Variants in AOPEP observed in about 807,000 individuals in gnomAD.
The protein encoded by AOPEP is aminopeptidase O.
In AOPEP, 77 loss-of-function variants were observed where a neutral mutation model predicts 98.1. The ratio of observed to expected loss-of-function variants is 0.78; its 90% CI spans 0.65 to 0.95. AOPEP has a LOEUF of 0.95. Ranked by LOEUF, AOPEP falls within the 40% of genes least tolerant of loss-of-function variation. The pLI is 0.00. For synonymous variants in AOPEP, 346 were observed against 365.3 expected, an observed-to-expected ratio of 0.95 and a Z score of 0.60; for missense variants, 1,024 against 1,024.7, an observed-to-expected ratio of 1.00 and a Z score of 0.01.
chr9:94,979,875 G>A (rs2060075737), intron 11 of AOPEP, among the ~76,000 whole-genome samples: 1 of 152,154 alleles, frequency 6.6e-6, no homozygotes. Context: ...CTGCCCCATG[G>A]TCCCTGTCCC....
At chr9:94,880,029 A>G (rs1393371454) in intron 5 of AOPEP, among the ~76,000 whole-genome samples, 1 of 152,220 alleles carries the variant, frequency 6.6e-6, no homozygotes, top group Non-Finnish European at 1.5e-5. Context: ...AATTAAATGC[A>G]TTGCACTGTT....
chr9:94,975,713 G>T (rs528779112), intron 10 of AOPEP, among the ~76,000 whole-genome samples: 1 of 152,358 alleles, frequency 6.6e-6, no homozygotes, highest in East Asian at 1.9e-4. Flanking sequence ...AAGTTCTGGT[G>T]TGGTCTCCCT....
the AOPEP span, among the ~76,000 whole-genome samples, chr9:95,134,577 C>T: frequency 6.6e-6 from 1 of 152,244 alleles, no homozygotes; most frequent in Non-Finnish European, 1.5e-5. Flanking sequence ...CACTGGAGCT[C>T]CTGGAAGACA....
chr9:94,749,032 T>C (rs1370483657), intron 1 of AOPEP, among the ~76,000 whole-genome samples: 1 of 152,250 alleles, frequency 6.6e-6, no homozygotes, highest in East Asian at 1.9e-4. Flanking sequence ...TCTACATCTT[T>C]GAAGAGGTAA....
chr9:95,053,201 A>C (rs1026284194), intron 13 of AOPEP, among the ~76,000 whole-genome samples: 2 of 152,260 alleles, frequency 1.3e-5, no homozygotes, highest in Admixed American at 6.5e-5. Flanking sequence ...TTTAAGAAAA[A>C]TATTTCAGCT....
intron 1 of AOPEP, among the ~76,000 whole-genome samples, chr9:94,759,125 G>A (rs564469560): frequency 6.6e-6 from 1 of 152,314 alleles, no homozygotes; most frequent in South Asian, 2.1e-4. Context: ...TTTACTGGAA[G>A]TGCTGATATG....
At chr9:94,905,810 C>G (rs1402560705) in intron 5 of AOPEP, among the ~76,000 whole-genome samples, 2 of 152,078 alleles carry the variant, frequency 1.3e-5, no homozygotes, top group Admixed American at 1.3e-4. Context: ...CAACTGCCAA[C>G]ACTCAGACTA....
chr9:94,957,246 C>T (rs1203341295), intron 9 of AOPEP, among the ~76,000 whole-genome samples: 4 of 152,288 alleles, frequency 2.6e-5, no homozygotes, highest in East Asian at 3.9e-4. Context: ...TCTCCTCTGT[C>T]GCCTAGGCTG....
At chr9:94,807,494 A>G (rs1483856826) in intron 5 of AOPEP, among the ~76,000 whole-genome samples, 1 of 152,186 alleles carries the variant, frequency 6.6e-6, no homozygotes, top group Non-Finnish European at 1.5e-5. Flanking sequence ...TATTGATGTC[A>G]TCCTAGGTTC....
At chr9:94,856,469 C>G (rs1001631413) in intron 5 of AOPEP, among the ~76,000 whole-genome samples, 2 of 151,932 alleles carry the variant, frequency 1.3e-5, no homozygotes, top group African/African-American at 4.8e-5. Context: ...TAGAGAAAAC[C>G]TGTATCTACT....
Position 94,820,039 on chromosome 9 carries a change from G to A in AOPEP, c.1364+19037G>A, listed in dbSNP as rs1018039696. ...CGGCTCACTGCAACCTCTGTCTCCC[G>A]GGTTTAAGTCATTCTCCTGCCTCAC... is the stretch of plus-strand genomic sequence containing the variant. On this transcript the variant is annotated intron_variant, in intron 5 of 16. Coordinates refer to ENST00000375315, the MANE Select transcript of AOPEP (RefSeq NM_001193329.3). 4.1e-5 allele frequency among the ~76,000 whole-genome samples: 6 copies of A among 144,840 alleles called. No individual in the cohort carries two copies. The East Asian group carries it at 1.2e-3, about 30-fold the overall frequency.
chr9:95,002,565 G>A (rs1215477225), intron 11 of AOPEP, among the ~76,000 whole-genome samples: 10 of 152,164 alleles, frequency 6.6e-5, no homozygotes, highest in Admixed American at 6.5e-4. Context: ...TGGTGAGTGG[G>A]TACAAATATG....
intron 1 of AOPEP, among the ~76,000 whole-genome samples, chr9:94,757,145 G>C (rs1837241668): frequency 6.6e-6 from 1 of 152,224 alleles, no homozygotes; most frequent in South Asian, 2.1e-4. Flanking sequence ...AAGGGATATT[G>C]TTCCCTCTGA....
chr9:94,895,922 T>C (rs1036731699), intron 5 of AOPEP, among the ~76,000 whole-genome samples: 1 of 152,236 alleles, frequency 6.6e-6, no homozygotes, highest in African/African-American at 2.4e-5. Context: ...CTGTGGCTGC[T>C]TTCATGCCAC....
chr9:95,018,370 T>A (rs904861204), intron 13 of AOPEP, among the ~76,000 whole-genome samples: 1 of 152,214 alleles, frequency 6.6e-6, no homozygotes, highest in Non-Finnish European at 1.5e-5. Flanking sequence ...AACATTTTAT[T>A]TCTTGAGAGG....
the AOPEP span, chr9:95,123,883 A>G: frequency 3.7e-5 from 20 of 535,758 alleles, no homozygotes; most frequent in South Asian, 1.3e-4. Context: ...TTGAGTCCTT[A>G]AAGTCTGAAG....
At chr9:94,758,967 C>T (rs982087804) in intron 1 of AOPEP, among the ~76,000 whole-genome samples, 23 of 150,896 alleles carry the variant, frequency 1.5e-4, no homozygotes, top group Admixed American at 1.5e-3. Flanking sequence ...CACAAGAAGG[C>T]TATTATCCAG....
At chr9:94,955,135 G>A in intron 7 of AOPEP, 42 bp from the exon 8 acceptor site, 1 of 1,151,258 alleles carries the variant, frequency 8.7e-7, no homozygotes, top group Non-Finnish European at 1.3e-6. Flanking sequence ...AATTACTTAA[G>A]AATGTGCTAT....
chr9:94,809,325 G>C (rs1303760501), intron 5 of AOPEP, among the ~76,000 whole-genome samples: 1 of 152,208 alleles, frequency 6.6e-6, no homozygotes, highest in African/African-American at 2.4e-5. Flanking sequence ...TGGTATATCT[G>C]TGCATCTTGA....
Sources: allele counts gnomAD v4.1 joint callset (sites outside exome capture counted in the v4.1 genomes callset), GRCh38; gene constraint gnomAD v4.1.1; transcripts MANE v1.5; gene names NCBI Gene and HGNC (gene_info 2026-07-23, HGNC 2026-07-21).